Variants in ADK observed in about 807,000 individuals in gnomAD.
ADK encodes the protein adenosine kinase.
Under a neutral mutation model 44.7 loss-of-function variants are expected in ADK, and 24 were observed. The ratio of observed to expected loss-of-function variants is 0.54; its 90% CI spans 0.39 to 0.76. The LOEUF (loss-of-function observed/expected upper bound fraction) is 0.76. Ranked by LOEUF, ADK falls within the 30% of genes least tolerant of loss-of-function variation. ADK has a pLI of 0.00. For synonymous variants in ADK, 128 were observed against 142.6 expected (o/e 0.90, Z 0.73); for missense variants, 321 against 425.1 (o/e 0.76, Z 2.15).
At chr10:74,428,781 A>G (rs1447784440) in intron 6 of ADK, among the ~76,000 whole-genome samples, 3 of 152,240 alleles carry the variant, frequency 2.0e-5, no homozygotes, top group Non-Finnish European at 4.4e-5. Flanking sequence ...GGGAGAAGAG[A>G]AAAACAGCAA....
At chr10:74,254,654 A>G (rs1324827715) in intron 3 of ADK, among the ~76,000 whole-genome samples, 1 of 152,054 alleles carries the variant, frequency 6.6e-6, no homozygotes, top group Non-Finnish European at 1.5e-5. Flanking sequence ...CTAATCACAG[A>G]GTTTGTGTAG....
intron 3 of ADK, among the ~76,000 whole-genome samples, chr10:74,225,457 G>T (rs1044525921): frequency 6.6e-6 from 1 of 152,058 alleles, no homozygotes. Context: ...TCATTTATAG[G>T]GACAGTAATT....
intron 7 of ADK, among the ~76,000 whole-genome samples, 160 bp from the exon 8 acceptor site, chr10:74,589,122 G>GA (rs1467441683): frequency 6.6e-6 from 1 of 151,780 alleles, no homozygotes; most frequent in South Asian, 2.1e-4. Context: ...TATTCCAAGG[G>GA]AAAAAAGAAA....
At chr10:74,153,811 A>G (rs1841678459) in intron 1 of ADK, among the ~76,000 whole-genome samples, 1 of 152,220 alleles carries the variant, frequency 6.6e-6, no homozygotes, top group Non-Finnish European at 1.5e-5. Context: ...AATCTCATCC[A>G]AGTTCATTTC....
chr10:74,470,609 C>G (rs996847221), intron 6 of ADK, among the ~76,000 whole-genome samples: 5 of 21,298 alleles, frequency 2.3e-4, no homozygotes. Flanking sequence ...AATATCTATT[C>G]AAGCCCTTTG....
chr10:74,314,794 C>A, intron 4 of ADK, 49 bp downstream of exon 4: 1 of 1,331,374 alleles, frequency 7.5e-7, no homozygotes, highest in Non-Finnish European at 1.1e-6. Context: ...GATTCTAGAC[C>A]CATGTCTATT....
chr10:74,546,494 C>T (rs538345964), intron 7 of ADK, among the ~76,000 whole-genome samples: 4 of 152,026 alleles, frequency 2.6e-5, no homozygotes, highest in South Asian at 2.1e-4. Context: ...AAATACTCCA[C>T]GATGTCACTG....
At chr10:74,361,397 AT>A (rs1842332465) in intron 4 of ADK, among the ~76,000 whole-genome samples, 1 of 151,636 alleles carries the variant, frequency 6.6e-6, no homozygotes, top group Non-Finnish European at 1.5e-5. Flanking sequence ...CTTTTTATCC[AT>A]TTTTGCTCTG....
chr10:74,559,706 G>A (rs1292344199), intron 7 of ADK, among the ~76,000 whole-genome samples: 3 of 152,004 alleles, frequency 2.0e-5, no homozygotes, highest in Non-Finnish European at 4.4e-5. Flanking sequence ...GTATTTTATT[G>A]TTTCAATTTG....
chr10:74,402,540 A>G (rs1289491384), intron 6 of ADK, among the ~76,000 whole-genome samples: 1 of 151,996 alleles, frequency 6.6e-6, no homozygotes, highest in African/African-American at 2.4e-5. Flanking sequence ...CGAATCAGCT[A>G]CTGAAGCTTG....
At chr10:74,372,715 G>A (rs1842700691) in intron 4 of ADK, among the ~76,000 whole-genome samples, 1 of 152,058 alleles carries the variant, frequency 6.6e-6, no homozygotes, top group Non-Finnish European at 1.5e-5. Flanking sequence ...AAACTAAATG[G>A]AAAGACATTA....
chr10:74,568,515 T>A (rs1439798546), intron 7 of ADK, among the ~76,000 whole-genome samples: 2 of 152,142 alleles, frequency 1.3e-5, no homozygotes, highest in Non-Finnish European at 2.9e-5. Flanking sequence ...AAGAAAGAAT[T>A]CAGGGCAAGT....
chr10:74,600,488 C>G lies in ADK; in HGVS notation c.872C>G (p.Ala291Gly), dbSNP rs1264243317. 6.2e-7 allele frequency: 1 copy of G among 1,601,636 alleles called. No individual in the cohort carries two copies. The highest frequency in any genetic ancestry group is 1.3e-5 in the African/African-American group (1 of 74,116). The change falls in exon 9 of 11, where the codon GCT (alanine) becomes GGT (glycine). Residue 291 changes from alanine (A) to glycine (G), a missense_variant. Coordinates refer to ENST00000539909, the MANE Select transcript of ADK (RefSeq NM_006721.4). ...FTQGRDDTIMATESEVTAFAV... is the reference protein window; with the variant it reads ...FTQGRDDTIMGTESEVTAFAV... ...CAAGGGAGAGATGACACTATAATGG[C>G]TACAGGTACATGTGGGAAATGTGTG... is the stretch of plus-strand genomic sequence containing the variant.
intron 4 of ADK, among the ~76,000 whole-genome samples, chr10:74,318,722 A>G (rs1394413775): frequency 6.6e-6 from 1 of 152,242 alleles, no homozygotes; most frequent in Non-Finnish European, 1.5e-5. Flanking sequence ...TGATAAGCCT[A>G]TATAATGAAT....
At chr10:74,664,890 G>A (rs1854891437) in intron 9 of ADK, among the ~76,000 whole-genome samples, 1 of 152,148 alleles carries the variant, frequency 6.6e-6, no homozygotes. Flanking sequence ...TATACCAGAT[G>A]AAAAATATTG....
chr10:74,357,455 C>T (rs1237429533), intron 4 of ADK, among the ~76,000 whole-genome samples: 1 of 119,694 alleles, frequency 8.4e-6, no homozygotes, highest in African/African-American at 2.9e-5. Flanking sequence ...CCACCATACC[C>T]AGTGATTTTT....
intron 2 of ADK, among the ~76,000 whole-genome samples, chr10:74,218,055 C>T (rs1200193432): frequency 7.9e-5 from 12 of 152,170 alleles, no homozygotes; most frequent in Admixed American, 7.9e-4. Context: ...AAGAAGGCTT[C>T]AGACGATCAA....
At position 74,314,736 on chromosome 10, in the gene ADK, A is replaced by G; in HGVS notation, c.264A>G (p.Lys88=). 2 of 1,610,996 alleles carry G rather than the reference A, an allele frequency of 1.2e-6. No homozygotes were observed. Among genetic ancestry groups the G allele is most frequent in the Non-Finnish European group, 1.7e-6 (2 of 1,177,482 alleles). The stretch of plus-strand genomic sequence containing the variant: ...GTGGCTCTACCCAGAATTCAATTAA[A>G]GTGGCTCAGGTTGGTTAATTATTTT... ...HAGGSTQNSI[K]VAQWMIQQPH... The change falls in exon 4 of 11, where the codon AAA becomes AAG. Residue 88 remains lysine (K), a synonymous_variant. Coordinates refer to ENST00000539909, the MANE Select transcript of ADK (RefSeq NM_006721.4).
intron 6 of ADK, among the ~76,000 whole-genome samples, chr10:74,452,311 TGGAATGAGGCTTTGTGGTGCTGCCTTCA>T (rs1364035074): frequency 6.6e-6 from 1 of 152,046 alleles, no homozygotes; most frequent in Non-Finnish European, 1.5e-5. Flanking sequence ...ACTAAATTTA[TGGAATGAGGCTTTGTGGTGCTGCCTTCA>T]GAGCTCAATG....
Sources: allele counts gnomAD v4.1 joint callset (sites outside exome capture counted in the v4.1 genomes callset), GRCh38; gene constraint gnomAD v4.1.1; transcripts MANE v1.5; gene names NCBI Gene and HGNC (gene_info 2026-07-23, HGNC 2026-07-21).